CAD: variants seen among roughly 807,000 people sequenced by gnomAD.
The protein encoded by CAD is carbamoyl-phosphate synthetase 2, aspartate transcarbamylase, and dihydroorotase.
Under a neutral mutation model 237.2 loss-of-function variants are expected in CAD, and 81 were observed. The ratio of observed to expected loss-of-function variants is 0.34; its 90% confidence interval spans 0.29 to 0.41. CAD has a LOEUF of 0.41. Ranked by LOEUF, CAD falls within the 10% of genes least tolerant of loss-of-function variation. The probability of loss-of-function intolerance (pLI) is 1.00; values close to 1 mark genes in which losing one functional copy is unlikely to be tolerated. For missense variants in CAD, 2,181 were observed against 2,951.7 expected (o/e 0.74, Z 6.05); for synonymous variants, 1,196 against 1,162.8 (o/e 1.03, Z -0.58).
Position 27,226,943 on chromosome 2 carries a change from G to C in CAD, c.2268G>C (p.Gly756=). ...TCCTGCGAGTCAGCACAAAGATTGG[G>C]AGCTGCATGAAGAGCGTTGGTGAGA... The part of the protein sequence containing the change: ...SKFLRVSTKI[G]SCMKSVGEVM... Residue 756 remains glycine (G), a synonymous_variant, in exon 15 of 44, where the codon GGG becomes GGC. Coordinates refer to ENST00000264705, the MANE Select transcript of CAD (RefSeq NM_004341.5). 1 of 1,614,170 alleles carries C rather than the reference G, an allele frequency of 6.2e-7. No individual in the cohort carries two copies. The highest frequency in any genetic ancestry group is 8.5e-7 in the Non-Finnish European group (1 of 1,180,028).
At position 27,239,964 on chromosome 2, in the gene CAD, G is replaced by C. The variant is rs1676220155; in HGVS notation, c.5496+166G>C. ...TTTTTTAAAATGCTGGGCCAGGCCA[G>C]ATGTGGTGGCTCACACTTGTAATCC... On this transcript the variant is annotated intron_variant, in intron 34 of 43. Coordinates refer to ENST00000264705, the MANE Select transcript of CAD (RefSeq NM_004341.5). This position sits in a 1 kb window ranked among gnomAD's most constrained non-coding sequence, Gnocchi z 4.0. 2 of 607,218 alleles carry C rather than the reference G, an allele frequency of 3.3e-6. No individual in the cohort carries two copies. Among genetic ancestry groups the C allele is most frequent in the East Asian group, 5.8e-5 (2 of 34,436 alleles). The allele number at this position is 607,218 out of a possible 1,614,324, so 37.6% of individuals were successfully genotyped here. A position where few individuals can be genotyped will look rare whatever the true frequency, so the allele number is the denominator to read the frequency against.
chr2:27,231,378 C>T, intron 15 of CAD, 90 bp from the exon 16 acceptor site: 5 of 746,218 alleles, frequency 6.7e-6, no homozygotes, highest in South Asian at 1.6e-5. Flanking sequence ...CTCCCAGAGT[C>T]TTGACTATAA....
At chr2:27,238,301 G>T in intron 30 of CAD, 114 bp downstream of exon 30, 1 of 1,461,600 alleles carries the variant, frequency 6.8e-7, no homozygotes, top group Non-Finnish European at 9.3e-7. Flanking sequence ...ACAGCAGGAG[G>T]AGGGTCTCGA....
At chr2:27,219,216 G>GA (rs1675029829) in intron 2 of CAD, among the ~76,000 whole-genome samples, 1 of 152,218 alleles carries the variant, frequency 6.6e-6, no homozygotes, top group African/African-American at 2.4e-5. Flanking sequence ...GACAGTCTCA[G>GA]AATGCAGGTT....
rs371235994 is a variant in CAD at position 27,219,964 on chromosome 2, T to G, written c.223-1254T>G. On this transcript the variant is annotated intron_variant, in intron 2 of 43. Coordinates refer to ENST00000264705, the MANE Select transcript of CAD (RefSeq NM_004341.5). ...TGTGCCCTGAACCTTTGTTTTTTATTTGGTAATGGGGTATTTTGTACCTCC... is the reference window on the plus strand; with the variant it reads ...TGTGCCCTGAACCTTTGTTTTTTATGTGGTAATGGGGTATTTTGTACCTCC... 2.6e-5 allele frequency among the ~76,000 whole-genome samples: 4 copies of G among 152,314 alleles called. No individual in the cohort carries two copies. The East Asian group carries it at 5.8e-4, about 22-fold the overall frequency.
intron 14 of CAD, 80 bp from the exon 15 acceptor site, chr2:27,226,752 G>A: frequency 6.2e-7 from 1 of 1,602,450 alleles, no homozygotes; most frequent in Non-Finnish European, 8.5e-7. Flanking sequence ...TGGATTTGTG[G>A]GAATGGAAAG....
At chr2:27,230,713 G>T (rs568358234) in intron 15 of CAD, among the ~76,000 whole-genome samples, 9 of 152,170 alleles carry the variant, frequency 5.9e-5, no homozygotes, top group Non-Finnish European at 1.2e-4. Flanking sequence ...GCTCTGCATG[G>T]ATGAGTAGTA....
rs138383219 is a variant in CAD at position 27,236,454 on chromosome 2, C to A, written c.4245C>A (p.Thr1415=). Residue 1415 remains threonine, a synonymous_variant, in exon 26 of 44, where the codon ACC becomes ACA. Transcript: ENST00000264705. The surrounding 1 kb of genome is among the most constrained non-coding windows in gnomAD (Gnocchi z 4.1). Reference sequence around the variant, plus strand: ...CCTTTGTCACCAAGGGCTACCGCACCCGACGCTTGGCCGCTGACTTCTCCG... The same window carrying A: ...CCTTTGTCACCAAGGGCTACCGCACACGACGCTTGGCCGCTGACTTCTCCG... The part of the protein sequence containing the change: ...LSSFVTKGYR[T]RRLAADFSVP... 21 of 1,613,986 alleles carry A rather than the reference C, an allele frequency of 1.3e-5. No homozygotes were observed. Among genetic ancestry groups the A allele is most frequent in the Non-Finnish European group, 1.7e-5 (20 of 1,180,046 alleles).
chr2:27,220,530 G>C (rs1675108736), intron 2 of CAD, among the ~76,000 whole-genome samples: 1 of 151,764 alleles, frequency 6.6e-6, no homozygotes, highest in African/African-American at 2.4e-5. Context: ...CACACCTGTG[G>C]TCCCAACTAC....
chr2:27,221,071 G>T, intron 2 of CAD, 147 bp from the exon 3 acceptor site: 1 of 504,612 alleles, frequency 2.0e-6, no homozygotes, highest in East Asian at 3.3e-5. Context: ...TTGGTAAATG[G>T]AAATACCTAT....
Position 27,222,350 on chromosome 2 carries a change from GT to G in CAD, c.495+15del. On this transcript the variant is annotated intron_variant, in intron 4 of 43. Coordinates refer to ENST00000264705, the MANE Select transcript of CAD (RefSeq NM_004341.5). ...GTCTCCATTAAGGTACAGAGGTAGA[GT>G]GGGAGAGTGTTGCAAGCTCTAGCAC... 6.2e-7 allele frequency: 1 copy of G among 1,602,612 alleles called. No individual in the cohort carries two copies. Among genetic ancestry groups the G allele is most frequent in the Non-Finnish European group, 8.5e-7 (1 of 1,170,696 alleles).
chr2:27,237,531 G>C lies in CAD; in HGVS notation c.4549G>C (p.Ala1517Pro). 1 of 1,613,316 alleles carries C rather than the reference G, an allele frequency of 6.2e-7. No homozygotes were observed. Among genetic ancestry groups the C allele is most frequent in the Non-Finnish European group, 8.5e-7 (1 of 1,179,756 alleles). Residue 1517 changes from alanine (A) to proline (P), a missense_variant, in exon 28 of 44, where the codon GCC becomes CCC. By Grantham distance (27) the Ala-to-Pro change is conservative (BLOSUM62 -1). Transcript: ENST00000264705. This position sits in a 1 kb window ranked among gnomAD's most constrained non-coding sequence, Gnocchi z 4.0. ...RPPIIDAPALALAQKLAEAGA... is the reference protein window; with the variant it reads ...RPPIIDAPALPLAQKLAEAGA... ...CCCCATCATTGACGCCCCTGCTCTG[G>C]CCCTGGCCCAGAAGGTGAGCCACTG...
At position 27,226,649 on chromosome 2, in the gene CAD, G is replaced by A; in HGVS notation, c.2156G>A (p.Arg719Lys). The A allele has an allele frequency of 6.2e-7, 1 of 1,614,120 alleles. No individual in the cohort carries two copies. The highest frequency in any genetic ancestry group is 8.5e-7 in the Non-Finnish European group (1 of 1,180,034). ...LALGIPLPELRNSVTGGTAAF... is the reference protein window; with the variant it reads ...LALGIPLPELKNSVTGGTAAF... ...TTGGGCATCCCTTTGCCTGAGCTCA[G>A]GTACGAGGATGAGGGAGATATCACA... Residue 719 changes from arginine (R) to lysine (K), a missense_variant and splice_region_variant, in exon 14 of 44, where the codon AGG (arginine) becomes AAG (lysine). Around this residue, in one of 12 missense-constraint regions of CAD, gnomAD observed 385 missense variants for 535.1 expected, o/e 0.72. Coordinates refer to ENST00000264705, the MANE Select transcript of CAD (RefSeq NM_004341.5).
intron 15 of CAD, among the ~76,000 whole-genome samples, chr2:27,228,049 T>C (rs553317533): frequency 6.6e-6 from 1 of 152,318 alleles, no homozygotes; most frequent in Non-Finnish European, 1.5e-5. Context: ...TTGAACAAAA[T>C]CAGTCACACT....
At chr2:27,238,270 C>T in intron 30 of CAD, 83 bp downstream of exon 30, 3 of 1,534,680 alleles carry the variant, frequency 2.0e-6, no homozygotes, top group Non-Finnish European at 2.7e-6. Flanking sequence ...GGGCAGGAGA[C>T]AGCAGGAGGA....
At position 27,237,406 on chromosome 2, in the gene CAD, G is replaced by A. The variant is rs745517212; in HGVS notation, c.4424G>A (p.Arg1475Gln). ...TTGATTGATGTCCATGTGCACCTGC[G>A]GGAACCAGGTGGGACACATAAGGAG... ...PGLIDVHVHL[R>Q]EPGGTHKEDF... is the part of the protein sequence containing the mutation. Residue 1475 changes from arginine (R) to glutamine (Q), a missense_variant, in exon 28 of 44, where the codon CGG becomes CAG. Physicochemically the swap from Arg to Gln is conservative, Grantham distance 43 (BLOSUM62 1). Around this residue, in one of 12 missense-constraint regions of CAD, gnomAD observed 478 missense variants for 515.0 expected, o/e 0.93. Transcript: ENST00000264705. The surrounding 1 kb of genome is among the most constrained non-coding windows in gnomAD (Gnocchi z 4.0). The A allele has an allele frequency of 1.1e-5, 17 of 1,613,988 alleles. No individual in the cohort carries two copies. The East Asian group carries it at 1.8e-4, about 17-fold the overall frequency.
At chr2:27,226,446 A>G in intron 13 of CAD, 79 bp from the exon 14 acceptor site, 1 of 1,565,948 alleles carries the variant, frequency 6.4e-7, no homozygotes, top group African/African-American at 1.4e-5. Flanking sequence ...CTTCTTTACT[A>G]GGTTACTTTT....
At position 27,222,472 on chromosome 2, in the gene CAD, A is replaced by G. The variant is rs779509485; in HGVS notation, c.496-47A>G. 1.4e-5 allele frequency: 22 copies of G among 1,604,424 alleles called. No individual in the cohort carries two copies. The South Asian group carries it at 2.2e-4, about 16-fold the overall frequency. On this transcript the variant is annotated intron_variant, in intron 4 of 43. Transcript: ENST00000264705. ...GTTGGTGCAGGCATATCTTATACCC[A>G]CTGAGCACAGCTGCCAACTGTTGCC...
chr2:27,236,712 C>T lies in CAD; in HGVS notation c.4315-37C>T, dbSNP rs376812003. The stretch of plus-strand genomic sequence containing the variant: ...CATCTCTCCCTACAACTCCCAGGAT[C>T]ACCCTTCCCTTAAAGCTGACTGCTT... On this transcript the variant is annotated intron_variant, in intron 26 of 43. Coordinates refer to ENST00000264705, the MANE Select transcript of CAD (RefSeq NM_004341.5). The surrounding 1 kb of genome is among the most constrained non-coding windows in gnomAD (Gnocchi z 4.1). 45 of 1,601,092 alleles carry T rather than the reference C, an allele frequency of 2.8e-5. No individual in the cohort carries two copies. Among genetic ancestry groups the T allele is most frequent in the Non-Finnish European group, 3.6e-5 (42 of 1,168,338 alleles).
Sources: gnomAD v4.1 joint callset for allele counts (sites outside exome capture counted in the v4.1 genomes callset) on GRCh38, gnomAD v4.1.1 for gene constraint, gnomAD v4.1.1 regional missense constraint, Gnocchi (gnomAD v3.1) non-coding constraint, MANE v1.5 for transcripts, NCBI Gene and HGNC (gene_info 2026-07-23, HGNC 2026-07-21) for gene names.